RAB11FIP1: variants seen among roughly 807,000 people sequenced by gnomAD.
The protein encoded by RAB11FIP1 is rab11 family-interacting protein 1.
Under a neutral mutation model 83.1 loss-of-function variants are expected in RAB11FIP1, and 49 were observed. That is an observed-to-expected ratio of 0.59 (90% CI 0.47 to 0.75). The LOEUF is 0.75. Ranked by LOEUF, RAB11FIP1 falls within the 30% of genes least tolerant of loss-of-function variation. The probability of loss-of-function intolerance (pLI) is 0.00; values close to 1 mark genes in which losing one functional copy is unlikely to be tolerated. For missense variants in RAB11FIP1, 1,536 were observed against 1,598.7 expected (o/e 0.96, Z 0.67); for synonymous variants, 670 against 656.0 (o/e 1.02, Z -0.33).
At position 37,871,743 on chromosome 8, in the gene RAB11FIP1, C is replaced by T; in HGVS notation, c.3059G>A (p.Arg1020Lys). 1 of 1,613,760 alleles carries T rather than the reference C, an allele frequency of 6.2e-7. No individual in the cohort carries two copies. The highest frequency in any genetic ancestry group is 1.1e-5 in the South Asian group (1 of 91,080). ...RGKGPSGEAD[R>K]LVLGEGLCDF... ...ACACAGGCCCTCCCCCAGTACCAAC[C>T]TATCTGCCTCGCCACTGGGCCCCTT... is the stretch of plus-strand genomic sequence containing the variant. Residue 1020 changes from arginine (R) to lysine (K), a missense_variant, in exon 4 of 6, where the codon AGG becomes AAG. Transcript: ENST00000330843.
chr8:37,888,681 T>G (rs1806885175), intron 1 of RAB11FIP1, among the ~76,000 whole-genome samples: 1 of 152,190 alleles, frequency 6.6e-6, no homozygotes, highest in South Asian at 2.1e-4. Flanking sequence ...TCTCATCATG[T>G]TGCTTAAGCT....
At chr8:37,883,406 G>C (rs1240165272) in intron 1 of RAB11FIP1, among the ~76,000 whole-genome samples, 2 of 152,152 alleles carry the variant, frequency 1.3e-5, no homozygotes, top group Non-Finnish European at 2.9e-5. Context: ...TTGACCTCAG[G>C]TGATCCGCCT....
intron 1 of RAB11FIP1, 83 bp downstream of exon 1, chr8:37,898,988 C>T: frequency 7.5e-7 from 1 of 1,340,614 alleles, no homozygotes; most frequent in Non-Finnish European, 9.6e-7. Flanking sequence ...CCGGCTTACT[C>T]TCGAAGGGTC....
rs925608725 is a variant in RAB11FIP1 at position 37,871,484 on chromosome 8, G to A, written c.3318C>T (p.Val1106=). Residue 1106 remains valine, a synonymous_variant, in exon 4 of 6, where the codon GTC becomes GTT. Coordinates refer to ENST00000330843, the MANE Select transcript of RAB11FIP1 (RefSeq NM_001002814.3). ...PSPSPSEIFP[V]THSFPSSAHS... ...GTGCAGAGCTGGGGAAAGAGTGTGT[G>A]ACAGGAAAGATCTCAGAAGGGGAGG... 4 of 1,613,428 alleles carry A rather than the reference G, an allele frequency of 2.5e-6. No individual in the cohort carries two copies. Among genetic ancestry groups the A allele is most frequent in the Non-Finnish European group, 3.4e-6 (4 of 1,179,756 alleles).
At chr8:37,874,372 TA>T (rs1474645436) in intron 3 of RAB11FIP1, 142 bp downstream of exon 3, 6 of 691,708 alleles carry the variant, frequency 8.7e-6, no homozygotes, top group East Asian at 5.3e-5. Flanking sequence ...AGGGACTGGT[TA>T]AAAAAATAAT....
chr8:37,882,599 A>C (rs1360971342), intron 1 of RAB11FIP1, among the ~76,000 whole-genome samples: 1 of 152,132 alleles, frequency 6.6e-6, no homozygotes, highest in Admixed American at 6.5e-5. Flanking sequence ...TACTCTGTCT[A>C]TGGAGTAGCT....
chr8:37,861,042 CA>C lies in RAB11FIP1; in HGVS notation c.*1852del. The C allele has an allele frequency of 6.6e-6, 1 of 152,582 alleles. No individual in the cohort carries two copies. The highest frequency in any genetic ancestry group is 2.4e-5 in the African/African-American group (1 of 41,508). The allele number at this position is 152,582 out of a possible 1,614,324, so 9.5% of individuals were successfully genotyped here. A position where few individuals can be genotyped will look rare whatever the true frequency, so the allele number is the denominator to read the frequency against. Reference sequence around the variant, plus strand: ...GATATTCTTCCCCTAGGAGAGATGTCAAGATTAGATGAGATTCTATCATAGC... The same window carrying C: ...GATATTCTTCCCCTAGGAGAGATGTCAGATTAGATGAGATTCTATCATAGC... On this transcript the variant is annotated 3_prime_UTR_variant, in exon 6 of 6. Transcript: ENST00000330843.
Position 37,861,812 on chromosome 8 carries a change from CT to C in RAB11FIP1, c.*1082del, listed in dbSNP as rs2130117231. ...CCATGTTGGTCAGGCTGGTCTCGAACTCCTGACCTCAAGTGATCCACCCTCC... is the reference window on the plus strand; with the variant it reads ...CCATGTTGGTCAGGCTGGTCTCGAACCCTGACCTCAAGTGATCCACCCTCC... On this transcript the variant is annotated 3_prime_UTR_variant, in exon 6 of 6. Transcript: ENST00000330843. 3.1e-6 allele frequency: 1 copy of C among 325,730 alleles called. No individual in the cohort carries two copies. The highest frequency in any genetic ancestry group is 2.4e-5 in the South Asian group (1 of 42,456). 20.2% of individuals were successfully genotyped at this position (325,730 alleles called of 1,614,324 possible).
intron 5 of RAB11FIP1, among the ~76,000 whole-genome samples, chr8:37,867,557 A>G (rs1430136140): frequency 6.6e-6 from 1 of 152,136 alleles, no homozygotes; most frequent in East Asian, 1.9e-4. Context: ...ATACAAAAAA[A>G]TTAGCTGGGT....
chr8:37,863,392 T>A (rs1806282352), intron 5 of RAB11FIP1, among the ~76,000 whole-genome samples: 1 of 152,098 alleles, frequency 6.6e-6, no homozygotes, highest in African/African-American at 2.4e-5. Flanking sequence ...ACTATAGGCA[T>A]GCACCACCAT....
intron 5 of RAB11FIP1, 90 bp downstream of exon 5, chr8:37,870,330 G>A (rs1035421935): frequency 1.0e-5 from 7 of 685,370 alleles, no homozygotes; most frequent in South Asian, 1.9e-5. Context: ...TGGCACCACC[G>A]GCTGCCCAGG....
intron 1 of RAB11FIP1, among the ~76,000 whole-genome samples, chr8:37,883,003 A>G (rs1306511026): frequency 1.3e-5 from 2 of 152,204 alleles, no homozygotes; most frequent in Non-Finnish European, 2.9e-5. Context: ...ACCTAAAGCC[A>G]AACACCAGGT....
chr8:37,889,498 T>C (rs1312953353), intron 1 of RAB11FIP1, among the ~76,000 whole-genome samples: 1 of 152,216 alleles, frequency 6.6e-6, no homozygotes. Context: ...ATGCCACTGA[T>C]GCATTTATTT....
intron 1 of RAB11FIP1, among the ~76,000 whole-genome samples, chr8:37,897,507 T>G (rs1807113242): frequency 6.7e-6 from 1 of 149,166 alleles, no homozygotes; most frequent in South Asian, 2.2e-4. Flanking sequence ...TAATCGAACG[T>G]TCCTTTGGGT....
intron 2 of RAB11FIP1, among the ~76,000 whole-genome samples, chr8:37,876,630 A>AG (rs1477636620): frequency 6.6e-6 from 1 of 151,674 alleles, no homozygotes; most frequent in Non-Finnish European, 1.5e-5. Flanking sequence ...TTTTAAAAAA[A>AG]GAAACAGAGA....
chr8:37,892,991 C>T (rs1487447233), intron 1 of RAB11FIP1, among the ~76,000 whole-genome samples: 1 of 152,046 alleles, frequency 6.6e-6, no homozygotes, highest in Non-Finnish European at 1.5e-5. Context: ...CATGTCCTTC[C>T]TGCCCTTTTC....
intron 5 of RAB11FIP1, among the ~76,000 whole-genome samples, chr8:37,867,767 A>C (rs1366501245): frequency 6.6e-6 from 1 of 151,926 alleles, no homozygotes; most frequent in African/African-American, 2.4e-5. Flanking sequence ...GAAGGAAGGA[A>C]GGAAGGAAGA....
rs779672596 is a variant in RAB11FIP1 at position 37,872,614 on chromosome 8, G to A, written c.2188C>T (p.Leu730Phe). The A allele has an allele frequency of 1.2e-6, 2 of 1,614,178 alleles. No individual in the cohort carries two copies. The highest frequency in any genetic ancestry group is 1.6e-4 in the Middle Eastern group (1 of 6,062). The stretch of plus-strand genomic sequence containing the variant: ...ACAGCTCCATCACTGCTGAGTGAAA[G>A]GGCAAACGGTACTTCCTGGGCTTCT... ...SGEAQEVPFA[L>F]SLSSDGAVSP... is the part of the protein sequence containing the mutation. Residue 730 changes from leucine (L) to phenylalanine (F), a missense_variant, in exon 4 of 6, where the codon CTT becomes TTT. Transcript: ENST00000330843.
chr8:37,893,469 G>A (rs1330752732), intron 1 of RAB11FIP1, among the ~76,000 whole-genome samples: 3 of 151,990 alleles, frequency 2.0e-5, no homozygotes, highest in Admixed American at 2.0e-4. Context: ...CACATAGTAG[G>A]CATTAAAAAA....
Sources: allele counts gnomAD v4.1 joint callset (sites outside exome capture counted in the v4.1 genomes callset), GRCh38; gene constraint gnomAD v4.1.1; transcripts MANE v1.5; gene names NCBI Gene and HGNC (gene_info 2026-07-23, HGNC 2026-07-21).